The following ATP7A variants were observed in gnomAD, a reference collection of about 807,000 sequenced individuals.
ATP7A encodes the protein ATPase copper transporting alpha.
Under a neutral mutation model 83.5 loss-of-function variants are expected in ATP7A, and 7 were observed. The ratio of observed to expected loss-of-function variants is 0.08; its 90% CI spans 0.05 to 0.16. The LOEUF is 0.16. ATP7A is among the 10% of genes least tolerant of loss of function. The pLI, the probability that ATP7A is intolerant of heterozygous loss-of-function variation, is 1.00. For missense variants in ATP7A, 940 were observed against 1,120.8 expected, an observed-to-expected ratio of 0.84 and a Z score of 2.30; for synonymous variants, 354 against 395.2, an observed-to-expected ratio of 0.90 and a Z score of 1.24.
chrX:77,976,693 G>A (rs2077578413), intron 2 of ATP7A, among the ~76,000 whole-genome samples: 1 of 111,892 alleles, frequency 8.9e-6, no homozygotes, highest in African/African-American at 3.2e-5. Flanking sequence ...TTTGTATGAG[G>A]GAAAAAGCAG....
At chrX:77,965,627 A>G (rs1036337038) in intron 1 of ATP7A, among the ~76,000 whole-genome samples, 9 of 112,011 alleles carry the variant, frequency 8.0e-5, no homozygotes, top group African/African-American at 2.9e-4. Context: ...TAGAGTTATT[A>G]TATGACCCAG....
chrX:78,040,205 C>T (rs1162901676), intron 18 of ATP7A, among the ~76,000 whole-genome samples: 3 of 102,060 alleles, frequency 2.9e-5, no homozygotes, highest in Non-Finnish European at 6.0e-5. Flanking sequence ...CTCTGCCCCC[C>T]CCCCCTTACC....
intron 4 of ATP7A, among the ~76,000 whole-genome samples, chrX:77,993,766 A>C (rs2077683237): frequency 8.9e-6 from 1 of 111,732 alleles, no homozygotes; most frequent in African/African-American, 3.2e-5. Flanking sequence ...AAATACAAAT[A>C]TAAAGAGCAT....
intron 1 of ATP7A, among the ~76,000 whole-genome samples, chrX:77,934,647 G>A (rs1159107617): frequency 9.1e-6 from 1 of 110,278 alleles, no homozygotes; most frequent in Admixed American, 9.7e-5. Flanking sequence ...CATGAGGTCG[G>A]GGTGGAATTT....
intron 5 of ATP7A, 81 bp downstream of exon 5, chrX:77,998,765 T>A: frequency 1.0e-6 from 1 of 1,004,404 alleles, no homozygotes; most frequent in Non-Finnish European, 1.4e-6. Context: ...GTTTTGTAAC[T>A]ATGTTATGAT....
In ATP7A at chrX:78,045,485, T is replaced by A. The variant is rs782696409; in HGVS notation, c.4139T>A (p.Ile1380Asn). ...TGTTTCTTAGGAGTTTTTATGCCCA[T>A]TGGTTTGGTTTTGCAGCCCTGGATG... ...IPIAAGVFMP[I>N]GLVLQPWMGS... Residue 1380 changes from isoleucine to asparagine, a missense_variant, in exon 22 of 23, where the codon ATT becomes AAT. This residue lies in a region of ATP7A where 386 missense variants were observed against 502.2 expected (regional missense o/e 0.77). Coordinates refer to ENST00000341514, the MANE Select transcript of ATP7A (RefSeq NM_000052.7). The A allele has an allele frequency of 5.8e-6, 7 of 1,209,909 alleles. No homozygotes were observed. Among genetic ancestry groups the A allele is most frequent in the Non-Finnish European group, 5.6e-6 (5 of 893,965 alleles).
rs972898085 is a variant in ATP7A, at chrX:77,913,800, T to G, written c.-22+2965T>G. On this transcript the variant is annotated intron_variant, in intron 1 of 22. Coordinates refer to ENST00000341514, the MANE Select transcript of ATP7A (RefSeq NM_000052.7). ...AAAATACCCCATTTTGAGTCAGTTA[T>G]GTGTACTTTGTACCATATTTTCTGT... Among the ~76,000 whole-genome samples, 4 of 111,920 alleles carry G rather than the reference T, an allele frequency of 3.6e-5. No homozygotes were observed. The East Asian group carries it at 1.1e-3, about 31-fold the overall frequency.
intron 1 of ATP7A, among the ~76,000 whole-genome samples, chrX:77,952,795 T>A (rs1320607497): frequency 9.2e-6 from 1 of 109,142 alleles, no homozygotes; most frequent in African/African-American, 3.3e-5. Context: ...TTTCCTTTTT[T>A]TTTTTTTTGA....
Position 78,007,567 on chromosome X carries a change from C to T in ATP7A, c.1708-1535C>T, listed in dbSNP as rs1416699092. Among the ~76,000 whole-genome samples, 11 of 111,877 alleles carry T rather than the reference C, an allele frequency of 9.8e-5. No homozygotes were observed. The East Asian group carries it at 1.7e-3, about 17-fold the overall frequency. The stretch of plus-strand genomic sequence containing the variant: ...GTCTCGATCTCCTGACCTCGTGATC[C>T]GCCCACCTCGGCCTCCCAAAGTGCT... On this transcript the variant is annotated intron_variant, in intron 6 of 22. Coordinates refer to ENST00000341514, the MANE Select transcript of ATP7A (RefSeq NM_000052.7).
rs782355906 is a variant in ATP7A, at chrX:77,971,649, C to G, written c.8C>G (p.Pro3Arg). 5.8e-6 allele frequency: 7 copies of G among 1,210,071 alleles called. No homozygotes were observed. In the South Asian group the frequency reaches 1.2e-4, roughly 21 times the overall value. Reference sequence around the variant, plus strand: ...TGTAATGAGGAAATCAAAATGGATCCAAGTATGGGTGTGAATTCTGTTACC... The same window carrying G: ...TGTAATGAGGAAATCAAAATGGATCGAAGTATGGGTGTGAATTCTGTTACC... MD[P>R]SMGVNSVTIS... is the part of the protein sequence containing the mutation. The change falls in exon 2 of 23, where the codon CCA becomes CGA. Residue 3 changes from proline to arginine, a missense_variant. Around this residue, in one of 3 missense-constraint regions of ATP7A, gnomAD observed 350 missense variants for 432.8 expected, o/e 0.81. Coordinates refer to ENST00000341514, the MANE Select transcript of ATP7A (RefSeq NM_000052.7).
In ATP7A at chrX:77,987,455, T is replaced by TGTGTGC. The variant is rs1318489614; in HGVS notation, c.121-782_121-781insCGTGTG. 7.5e-4 allele frequency among the ~76,000 whole-genome samples: 76 copies of TGTGTGC among 101,703 alleles called. No individual in the cohort carries two copies. In the South Asian group the frequency reaches 0.014, roughly 18 times the overall value. 88.3% of individuals were successfully genotyped at this position (101,703 alleles called of 115,157 possible). A position where few individuals can be genotyped will look rare whatever the true frequency, so the allele number is the denominator to read the frequency against. ...TCCCAACCCAGTATTTGTGTGTGTG[T>TGTGTGC]GTGTGTGTGTGTGTGTGTGTGTGTG... On this transcript the variant is annotated intron_variant, in intron 2 of 22. Coordinates refer to ENST00000341514, the MANE Select transcript of ATP7A (RefSeq NM_000052.7).
intron 1 of ATP7A, among the ~76,000 whole-genome samples, chrX:77,940,662 A>G (rs905932391): frequency 1.8e-5 from 2 of 111,646 alleles, no homozygotes; most frequent in Non-Finnish European, 3.8e-5. Flanking sequence ...GACTAACAAT[A>G]TGTGACAGGT....
chrX:77,996,629 G>A (rs1401443806), intron 4 of ATP7A, among the ~76,000 whole-genome samples: 2 of 111,337 alleles, frequency 1.8e-5, no homozygotes, highest in Non-Finnish European at 3.8e-5. Context: ...TCATGCTAAG[G>A]TAGCTAAAAG....
chrX:77,970,996 C>T (rs2077543575), intron 1 of ATP7A, among the ~76,000 whole-genome samples: 1 of 111,861 alleles, frequency 8.9e-6, no homozygotes, highest in Non-Finnish European at 1.9e-5. Context: ...GCATAGTCCT[C>T]ATTAAGGTTA....
chrX:78,038,949 A>G lies in ATP7A; in HGVS notation c.3625A>G (p.Lys1209Glu). 2 of 1,211,544 alleles carry G rather than the reference A, an allele frequency of 1.7e-6. No homozygotes were observed. The highest frequency in any genetic ancestry group is 2.2e-6 in the Non-Finnish European group (2 of 895,211). Residue 1209 changes from lysine to glutamate, a missense_variant, in exon 18 of 23, where the codon AAA (lysine) becomes GAA (glutamate). Physicochemically the swap from Lys to Glu is moderately conservative, Grantham distance 56. Transcript: ENST00000341514. ...TGATTTCATGACTGAACATGAGAGA[A>G]AAGGTCGGACTGCTGTATTAGTAGC... is the stretch of plus-strand genomic sequence containing the variant. ...VNDFMTEHER[K>E]GRTAVLVAVD... is the part of the protein sequence containing the mutation.
In ATP7A at chrX:77,999,217, A is replaced by G. The variant is rs186861047; in HGVS notation, c.1543+533A>G. On this transcript the variant is annotated intron_variant, in intron 5 of 22. Coordinates refer to ENST00000341514, the MANE Select transcript of ATP7A (RefSeq NM_000052.7). ...TCACCATGTTGGCCAGGCTGATCTC[A>G]AACTCCTGGCATCAGGTGATCCACC... Among the ~76,000 whole-genome samples the G allele has an allele frequency of 1.9e-3, 214 of 110,234 alleles. 1 individual carries two copies. The highest frequency in any genetic ancestry group is 2.4e-3 in the Non-Finnish European group (125 of 52,768).
chrX:78,044,896 C>T (rs1557238909), intron 21 of ATP7A, among the ~76,000 whole-genome samples: 11 of 111,448 alleles, frequency 9.9e-5, no homozygotes. Flanking sequence ...CACACAAATA[C>T]TGAGAGAACA....
chrX:77,942,374 G>A (rs1276985686), intron 1 of ATP7A, among the ~76,000 whole-genome samples: 3 of 110,142 alleles, frequency 2.7e-5, no homozygotes, highest in Non-Finnish European at 3.8e-5. Flanking sequence ...AAATTCCTTT[G>A]TCCTAAATCT....
intron 1 of ATP7A, among the ~76,000 whole-genome samples, chrX:77,931,417 C>T (rs1466166411): frequency 8.9e-6 from 1 of 112,091 alleles, no homozygotes; most frequent in African/African-American, 3.2e-5. Context: ...CTACTTCTTT[C>T]TACACAGACA....
Sources: gnomAD v4.1 joint callset for allele counts (sites outside exome capture counted in the v4.1 genomes callset) on GRCh38, gnomAD v4.1.1 for gene constraint, gnomAD v4.1.1 regional missense constraint, MANE v1.5 for transcripts, NCBI Gene and HGNC (gene_info 2026-07-23, HGNC 2026-07-21) for gene names.